The following RAD51B variants were observed in gnomAD, a reference collection of about 807,000 sequenced individuals.
The protein encoded by RAD51B is RAD51 paralog B, also known as DNA repair protein RAD51 homolog 2.
Under a neutral mutation model 42.2 loss-of-function variants are expected in RAD51B, and 38 were observed. That is an observed-to-expected ratio of 0.90 (90% CI 0.70 to 1.18). The LOEUF is 1.18. RAD51B is among the 50% of genes most tolerant of loss of function. RAD51B has a pLI of 0.00. For synonymous variants in RAD51B, 154 were observed against 145.2 expected, an observed-to-expected ratio of 1.06 and a Z score of -0.43; for missense variants, 373 against 400.7, an observed-to-expected ratio of 0.93 and a Z score of 0.59.
At chr14:67,924,069 G>A (rs990143788) in intron 7 of RAD51B, among the ~76,000 whole-genome samples, 5 of 151,974 alleles carry the variant, frequency 3.3e-5, no homozygotes, top group Admixed American at 3.3e-4. Flanking sequence ...CTTTTTTGAT[G>A]GGATTATTTG....
At chr14:68,564,734 G>A (rs1889336895) in intron 10 of RAD51B, among the ~76,000 whole-genome samples, 1 of 152,230 alleles carries the variant, frequency 6.6e-6, no homozygotes, top group African/African-American at 2.4e-5. Flanking sequence ...TGATAATCAG[G>A]TCGGGTTGAG....
At chr14:67,915,502 A>G (rs2044121125) in intron 7 of RAD51B, among the ~76,000 whole-genome samples, 1 of 152,150 alleles carries the variant, frequency 6.6e-6, no homozygotes, top group Non-Finnish European at 1.5e-5. Flanking sequence ...GGCTTTTATC[A>G]TCTTTGCTGG....
intron 7 of RAD51B, among the ~76,000 whole-genome samples, chr14:68,012,499 C>T (rs560219901): frequency 5.3e-5 from 8 of 152,140 alleles, no homozygotes; most frequent in Admixed American, 3.9e-4. Flanking sequence ...TATTTATTAT[C>T]TGGCCCTTTA....
At chr14:68,677,595 A>G (rs543928242) in intron 11 of RAD51B, among the ~76,000 whole-genome samples, 1 of 152,206 alleles carries the variant, frequency 6.6e-6, no homozygotes, top group African/African-American at 2.4e-5. Flanking sequence ...TATCTTGTGA[A>G]ACCTTGTGTC....
intron 5 of RAD51B, 117 bp from the exon 6 acceptor site, chr14:67,885,752 A>G: frequency 7.5e-7 from 1 of 1,341,740 alleles, no homozygotes; most frequent in Admixed American, 2.6e-5. Context: ...CATTTTGCTT[A>G]TACCTGCTCT....
At chr14:68,268,636 C>T (rs935564957) in intron 7 of RAD51B, among the ~76,000 whole-genome samples, 3 of 152,198 alleles carry the variant, frequency 2.0e-5, no homozygotes, top group Non-Finnish European at 4.4e-5. Flanking sequence ...TTAGCTCTAT[C>T]TCTAAATATC....
chr14:68,275,794 CCACACACACACACACACACACA>C (rs10641411), intron 7 of RAD51B, among the ~76,000 whole-genome samples: 7 of 141,374 alleles, frequency 5.0e-5, no homozygotes, highest in South Asian at 2.4e-4. Context: ...AACTAGCTCT[CCACACACACACACACACACACA>C]CACACACACA....
rs946741453 is a variant in RAD51B at position 68,468,159 on chromosome 14, G to A, written c.958-13G>A. On this transcript the variant is annotated splice_polypyrimidine_tract_variant and intron_variant, in intron 9 of 10. Transcript: ENST00000471583. ...CCTTTGACTAACCCTAGAAAAATGTGCTTTATGTGCAGATTCTTATTGCCA... is the reference window on the plus strand; with the variant it reads ...CCTTTGACTAACCCTAGAAAAATGTACTTTATGTGCAGATTCTTATTGCCA... 3.1e-6 allele frequency: 5 copies of A among 1,611,364 alleles called. No individual in the cohort carries two copies. The highest frequency in any genetic ancestry group is 2.2e-5 in the South Asian group (2 of 91,036).
intron 8 of RAD51B, among the ~76,000 whole-genome samples, chr14:68,408,699 A>G (rs1248528406): frequency 6.6e-6 from 1 of 152,222 alleles, no homozygotes; most frequent in Non-Finnish European, 1.5e-5. Context: ...AAAAATCAAA[A>G]TTGCGCTTTA....
intron 7 of RAD51B, among the ~76,000 whole-genome samples, chr14:68,074,949 G>C (rs2076808558): frequency 6.6e-6 from 1 of 152,206 alleles, no homozygotes; most frequent in South Asian, 2.1e-4. Flanking sequence ...GAGAATGTCA[G>C]CTCCTCTCAC....
chr14:67,871,930 A>G (rs897501110), intron 5 of RAD51B, among the ~76,000 whole-genome samples: 2 of 151,378 alleles, frequency 1.3e-5, no homozygotes, highest in Non-Finnish European at 2.9e-5. Flanking sequence ...TATTGATGGG[A>G]CGTATTTCAA....
intron 7 of RAD51B, among the ~76,000 whole-genome samples, chr14:68,218,783 T>C (rs2079866543): frequency 6.6e-6 from 1 of 152,232 alleles, no homozygotes; most frequent in African/African-American, 2.4e-5. Context: ...TGGTGGAATT[T>C]TCAGTATAAC....
chr14:68,673,388 T>C (rs1233155527), intron 11 of RAD51B, among the ~76,000 whole-genome samples: 1 of 132,784 alleles, frequency 7.5e-6, no homozygotes, highest in Non-Finnish European at 1.6e-5. Flanking sequence ...CACAAATATA[T>C]ACATGCACAC....
At chr14:68,070,583 G>A (rs2140463822) in intron 7 of RAD51B, among the ~76,000 whole-genome samples, 1 of 152,286 alleles carries the variant, frequency 6.6e-6, no homozygotes, top group Admixed American at 6.5e-5. Context: ...AGATCAGCTA[G>A]TTGTAGGTGT....
At chr14:68,137,199 C>G (rs1292053465) in intron 7 of RAD51B, among the ~76,000 whole-genome samples, 1 of 152,126 alleles carries the variant, frequency 6.6e-6, no homozygotes, top group Admixed American at 6.5e-5. Context: ...TCACATGAAC[C>G]CGGGAGGCGG....
chr14:68,477,331 CAG>C (rs1464824261), intron 10 of RAD51B, among the ~76,000 whole-genome samples: 4 of 152,178 alleles, frequency 2.6e-5, no homozygotes, highest in Non-Finnish European at 4.4e-5. Context: ...CTGGCTTTCT[CAG>C]GGGAAACTTG....
chr14:68,327,181 A>G (rs1191888437), intron 8 of RAD51B, among the ~76,000 whole-genome samples: 1 of 152,128 alleles, frequency 6.6e-6, no homozygotes, highest in African/African-American at 2.4e-5. Context: ...GTTTTAGAAA[A>G]CTAAAATTTT....
chr14:68,176,836 T>C (rs1478738679), intron 7 of RAD51B, among the ~76,000 whole-genome samples: 1 of 152,164 alleles, frequency 6.6e-6, no homozygotes, highest in Non-Finnish European at 1.5e-5. Flanking sequence ...CCAGGTATCT[T>C]ACACAGAAGG....
chr14:68,292,424 A>C (rs1039282908), intron 8 of RAD51B, among the ~76,000 whole-genome samples: 3 of 152,142 alleles, frequency 2.0e-5, no homozygotes, highest in African/African-American at 7.2e-5. Context: ...TTAAGAAAAA[A>C]ATCTCCACGC....
Sources: gnomAD v4.1 joint callset for allele counts (sites outside exome capture counted in the v4.1 genomes callset) on GRCh38, gnomAD v4.1.1 for gene constraint, MANE v1.5 for transcripts, NCBI Gene and HGNC (gene_info 2026-07-23, HGNC 2026-07-21) for gene names.